CRTAC1: variants seen among roughly 807,000 people sequenced by gnomAD.
The protein encoded by CRTAC1 is acidic secreted protein in cartilage.
A neutral mutation model predicts 67.8 loss-of-function variants in CRTAC1; 37 were observed. The ratio of observed to expected loss-of-function variants is 0.55; its 90% CI spans 0.42 to 0.72. The LOEUF (loss-of-function observed/expected upper bound fraction) is 0.72, where lower values mean the gene tolerates loss of function less well. CRTAC1 is among the 30% of genes least tolerant of loss of function. The pLI, the probability that CRTAC1 is intolerant of heterozygous loss-of-function variation, is 0.00. For missense variants in CRTAC1, 780 were observed against 931.6 expected (o/e 0.84, Z 2.12); for synonymous variants, 348 against 371.0 (o/e 0.94, Z 0.71).
intron 14 of CRTAC1, among the ~76,000 whole-genome samples, chr10:97,879,013 T>C (rs550334668): frequency 6.6e-6 from 1 of 152,156 alleles, no homozygotes; most frequent in Non-Finnish European, 1.5e-5. Context: ...TTTCAAAGCA[T>C]CTCATGGTGG....
chr10:97,917,439 AG>A, intron 5 of CRTAC1, 60 bp downstream of exon 5: 19 of 1,341,270 alleles, frequency 1.4e-5, no homozygotes, highest in Non-Finnish European at 1.9e-5. Context: ...TCAGCCTTGC[AG>A]GGCCCTGGCC....
chr10:97,936,142 A>G, intron 3 of CRTAC1, 28 bp downstream of exon 3: 2 of 1,556,298 alleles, frequency 1.3e-6, no homozygotes, highest in Non-Finnish European at 1.7e-6. Flanking sequence ...GATGGGAAGC[A>G]GGAAGAGGCC....
At chr10:97,944,408 G>T (rs2051230397) in intron 2 of CRTAC1, among the ~76,000 whole-genome samples, 1 of 151,708 alleles carries the variant, frequency 6.6e-6, no homozygotes, top group Non-Finnish European at 1.5e-5. Flanking sequence ...GTCAAGCCTG[G>T]GCAACAAGAG....
intron 2 of CRTAC1, among the ~76,000 whole-genome samples, chr10:97,963,462 G>C (rs1262984610): frequency 6.6e-6 from 1 of 152,140 alleles, no homozygotes; most frequent in East Asian, 1.9e-4. Context: ...CACTGGCTTG[G>C]ACTATTGCAA....
Position 97,952,922 on chromosome 10 carries a change from G to A in CRTAC1, c.225-16556C>T, listed in dbSNP as rs550144478. On this transcript the variant is annotated intron_variant, in intron 2 of 14. Coordinates refer to ENST00000370597, the MANE Select transcript of CRTAC1 (RefSeq NM_018058.7). ...CTCCCTTCCACATCTGTGAATATAT[G>A]TCCTCCCTGAGGATGGAGAATAACC... is the stretch of plus-strand genomic sequence containing the variant. 6.6e-5 allele frequency among the ~76,000 whole-genome samples: 10 copies of A among 152,224 alleles called. No homozygotes were observed. The East Asian group carries it at 1.7e-3, about 26-fold the overall frequency.
In CRTAC1 at chr10:97,882,796, G is replaced by T. The variant is rs745547934; in HGVS notation, c.1665C>A (p.Gly555=). Residue 555 remains glycine (G), a synonymous_variant, in exon 13 of 15, where the codon GGC becomes GGA. Coordinates refer to ENST00000370597, the MANE Select transcript of CRTAC1 (RefSeq NM_018058.7). ...CGQGFSQQEN[G]HCMDTNECIQ... is the part of the protein sequence containing the mutation. ...CTGAAGGCAACTCACCCATGCAATG[G>T]CCATTTTCCTGCTGGGAGAATCCTT... 6.2e-7 allele frequency: 1 copy of T among 1,614,182 alleles called. No homozygotes were observed.
At chr10:97,939,249 C>G (rs1415786302) in intron 2 of CRTAC1, among the ~76,000 whole-genome samples, 1 of 152,198 alleles carries the variant, frequency 6.6e-6, no homozygotes, top group African/African-American at 2.4e-5. Context: ...ACACAAGGTC[C>G]CTGCACCATG....
chr10:97,992,612 AAAG>A (rs1842483204), intron 2 of CRTAC1, among the ~76,000 whole-genome samples: 1 of 152,262 alleles, frequency 6.6e-6, no homozygotes, highest in Non-Finnish European at 1.5e-5. Flanking sequence ...ATTTGGCCTT[AAAG>A]AAGAAGAAAA....
chr10:97,991,744 C>T (rs1423124732), intron 2 of CRTAC1, among the ~76,000 whole-genome samples: 2 of 152,100 alleles, frequency 1.3e-5, no homozygotes, highest in East Asian at 1.9e-4. Flanking sequence ...AGCTCTCCAG[C>T]GTTTTGAACC....
intron 2 of CRTAC1, 28 bp downstream of exon 2, chr10:98,011,110 T>C: frequency 6.2e-7 from 1 of 1,600,110 alleles, no homozygotes; most frequent in Non-Finnish European, 8.6e-7. Context: ...GATTAATATC[T>C]GTCACACTGA....
intron 2 of CRTAC1, among the ~76,000 whole-genome samples, chr10:97,943,630 C>T (rs1412943868): frequency 2.0e-5 from 3 of 152,226 alleles, no homozygotes; most frequent in Non-Finnish European, 4.4e-5. Flanking sequence ...AACAGCTGGT[C>T]ATTAGATAAA....
chr10:97,894,704 G>T (rs2050424629), intron 11 of CRTAC1, among the ~76,000 whole-genome samples: 1 of 80,302 alleles, frequency 1.2e-5, no homozygotes, highest in Non-Finnish European at 2.5e-5. Context: ...AGCCCCTGAT[G>T]CTTTTACATA....
rs558146921 is a variant in CRTAC1 at position 97,965,770 on chromosome 10, G to T, written c.225-29404C>A. Among the ~76,000 whole-genome samples the T allele has an allele frequency of 2.0e-5, 3 of 152,360 alleles. No homozygotes were observed. In the East Asian group the frequency reaches 5.8e-4, roughly 29 times the overall value. On this transcript the variant is annotated intron_variant, in intron 2 of 14. Transcript: ENST00000370597. ...GGCCTGCTTTTCCCTGGGCTGTGCA[G>T]CCATGCTCAGAGTGTCATGTTCAAT...
chr10:97,939,848 C>T (rs759809063), intron 2 of CRTAC1, among the ~76,000 whole-genome samples: 1 of 152,162 alleles, frequency 6.6e-6, no homozygotes, highest in African/African-American at 2.4e-5. Context: ...ATGTGACCTT[C>T]TCTTCTCTGG....
At position 97,943,512 on chromosome 10, in the gene CRTAC1, T is replaced by C. The variant is rs111651623; in HGVS notation, c.225-7146A>G. On this transcript the variant is annotated intron_variant, in intron 2 of 14. Transcript: ENST00000370597. ...TCCTCTAAACGTTTTTAAAAATGTG[T>C]TGCATTTTCACAACTATGGGCACAC... Among the ~76,000 whole-genome samples the C allele has an allele frequency of 3.0e-4, 45 of 152,374 alleles. 1 individual carries two copies. The highest frequency in any genetic ancestry group is 1.1e-3 in the African/African-American group (45 of 41,588).
chr10:97,900,570 G>C (rs12218201), intron 8 of CRTAC1, among the ~76,000 whole-genome samples: 21 of 113,364 alleles, frequency 1.9e-4, no homozygotes, highest in South Asian at 9.7e-4. Context: ...AGTGATTGGA[G>C]CCCGTAGCCC....
chr10:97,980,444 C>T (rs1386541801), intron 2 of CRTAC1, among the ~76,000 whole-genome samples: 1 of 152,192 alleles, frequency 6.6e-6, no homozygotes, highest in Non-Finnish European at 1.5e-5. Flanking sequence ...CTCCAAGAGT[C>T]CCATACCTGC....
At chr10:97,919,255 G>C (rs911676559) in intron 4 of CRTAC1, among the ~76,000 whole-genome samples, 3 of 152,116 alleles carry the variant, frequency 2.0e-5, no homozygotes, top group Non-Finnish European at 4.4e-5. Context: ...CAGAGAACAC[G>C]TACAGGATTT....
intron 2 of CRTAC1, among the ~76,000 whole-genome samples, chr10:97,997,263 AATAAT>A (rs1564928510): frequency 9.9e-5 from 14 of 141,566 alleles, no homozygotes; most frequent in African/African-American, 3.1e-4. Flanking sequence ...TAATAATAAT[AATAAT>A]AAATAAAATA....
Sources: allele counts gnomAD v4.1 joint callset (sites outside exome capture counted in the v4.1 genomes callset), GRCh38; gene constraint gnomAD v4.1.1; transcripts MANE v1.5; gene names NCBI Gene and HGNC (gene_info 2026-07-23, HGNC 2026-07-21).